Variants in PHACTR1 observed in about 807,000 individuals in gnomAD.
PHACTR1 encodes the protein RPEL repeat containing 1.
A neutral mutation model predicts 69.2 loss-of-function variants in PHACTR1; 16 were observed. The observed-to-expected ratio is 0.23, with a 90% confidence interval of 0.16 to 0.35. The LOEUF (loss-of-function observed/expected upper bound fraction) is 0.35. PHACTR1 is among the 10% of genes least tolerant of loss of function. The pLI, the probability that PHACTR1 is intolerant of heterozygous loss-of-function variation, is 1.00. For missense variants in PHACTR1, 510 were observed against 734.7 expected, an observed-to-expected ratio of 0.69 and a Z score of 3.54; for synonymous variants, 312 against 284.5, an observed-to-expected ratio of 1.10 and a Z score of -0.97.
At chr6:13,109,600 G>T (rs1450163643) in intron 5 of PHACTR1, among the ~76,000 whole-genome samples, 1 of 151,932 alleles carries the variant, frequency 6.6e-6, no homozygotes, top group African/African-American at 2.4e-5. Context: ...ATTAAGGTAT[G>T]CATTGGAGTC....
chr6:13,228,739 G>A (rs1770250060), intron 9 of PHACTR1, among the ~76,000 whole-genome samples: 2 of 152,172 alleles, frequency 1.3e-5, no homozygotes, highest in African/African-American at 4.8e-5. Flanking sequence ...CAACAACCCT[G>A]AGGCATGGAC....
At chr6:13,018,820 G>A (rs1800538778) in intron 4 of PHACTR1, among the ~76,000 whole-genome samples, 1 of 152,062 alleles carries the variant, frequency 6.6e-6, no homozygotes, top group Non-Finnish European at 1.5e-5. Context: ...ACCAAAGATG[G>A]CACAGGGTTT....
rs572786688 is a variant in PHACTR1 at position 13,272,994 on chromosome 6, C to G, written c.1447+79C>G. On this transcript the variant is annotated intron_variant, in intron 11 of 14. Coordinates refer to ENST00000332995, the MANE Select transcript of PHACTR1 (RefSeq NM_030948.6). ...TATTTAATGGTAGGCCACAAGGTTT[C>G]TACCTTGCGCCTCTGCGGAAAGCAT... is the stretch of plus-strand genomic sequence containing the variant. 3.8e-6 allele frequency: 6 copies of G among 1,569,710 alleles called. No individual in the cohort carries two copies. In the Admixed American group the frequency reaches 9.0e-5, roughly 24 times the overall value.
At chr6:12,913,802 C>T (rs1786667647) in intron 4 of PHACTR1, among the ~76,000 whole-genome samples, 1 of 152,244 alleles carries the variant, frequency 6.6e-6, no homozygotes, top group Non-Finnish European at 1.5e-5. Context: ...ATAACAAACA[C>T]GTCACTGTTC....
intron 4 of PHACTR1, among the ~76,000 whole-genome samples, chr6:13,013,811 C>T (rs1048096193): frequency 8.0e-5 from 12 of 149,116 alleles, no homozygotes; most frequent in Non-Finnish European, 1.5e-4. Context: ...CGGGGGCATG[C>T]TGGCGAGGCC....
At chr6:12,956,903 G>A (rs1174022721) in intron 4 of PHACTR1, among the ~76,000 whole-genome samples, 1 of 152,070 alleles carries the variant, frequency 6.6e-6, no homozygotes. Flanking sequence ...CCCATCCTGA[G>A]AAATTCCCAC....
At position 12,986,232 on chromosome 6, in the gene PHACTR1, G is replaced by A. The variant is rs1003743643; in HGVS notation, c.251-67133G>A. Among the ~76,000 whole-genome samples the A allele has an allele frequency of 2.0e-5, 3 of 152,154 alleles. No individual in the cohort carries two copies. The East Asian group carries it at 5.8e-4, about 29-fold the overall frequency. ...GAGATTGGGATGAGGCATCAGTGGG[G>A]GCTTCAGTGACGCTGGCAAAGTTTG... On this transcript the variant is annotated intron_variant, in intron 4 of 14. Coordinates refer to ENST00000332995, the MANE Select transcript of PHACTR1 (RefSeq NM_030948.6).
chr6:12,964,494 A>G lies in PHACTR1; in HGVS notation c.251-88871A>G, dbSNP rs1020857388. On this transcript the variant is annotated intron_variant, in intron 4 of 14. Transcript: ENST00000332995. ...CATTTTCAGCAAAGGAAGGAAAGTA[A>G]GTGGAATGCCAATTCACAGGGGAAG... is the stretch of plus-strand genomic sequence containing the variant. Among the ~76,000 whole-genome samples the G allele has an allele frequency of 2.0e-5, 3 of 152,300 alleles. No individual in the cohort carries two copies. In the South Asian group the frequency reaches 6.2e-4, roughly 32 times the overall value.
intron 4 of PHACTR1, among the ~76,000 whole-genome samples, chr6:12,923,054 A>G (rs2127516648): frequency 6.6e-6 from 1 of 152,310 alleles, no homozygotes; most frequent in Non-Finnish European, 1.5e-5. Context: ...TCCCCCATGC[A>G]ATTTTGATTA....
At chr6:13,077,686 G>GAT (rs1810741128) in intron 5 of PHACTR1, among the ~76,000 whole-genome samples, 1 of 152,132 alleles carries the variant, frequency 6.6e-6, no homozygotes, top group South Asian at 2.1e-4. Context: ...GGCAGTTAGA[G>GAT]ATACAACCAA....
At chr6:12,846,816 A>G in intron 4 of PHACTR1, among the ~76,000 whole-genome samples, 1 of 139,626 alleles carries the variant, frequency 7.2e-6, no homozygotes. Context: ...TTTTATTTTT[A>G]TTTTTATTGA....
chr6:12,951,168 A>G (rs1791248952), intron 4 of PHACTR1, among the ~76,000 whole-genome samples: 1 of 152,176 alleles, frequency 6.6e-6, no homozygotes, highest in African/African-American at 2.4e-5. Context: ...TCTGTTATAG[A>G]TTATGCTGGA....
intron 4 of PHACTR1, among the ~76,000 whole-genome samples, chr6:12,996,612 C>G (rs1303856718): frequency 6.6e-6 from 1 of 152,104 alleles, no homozygotes; most frequent in Non-Finnish European, 1.5e-5. Flanking sequence ...AAGGGTTACT[C>G]TTAACTTATT....
chr6:12,848,706 G>T (rs1327746090), intron 4 of PHACTR1, among the ~76,000 whole-genome samples: 2 of 152,182 alleles, frequency 1.3e-5, no homozygotes. Context: ...CAAAAATGAG[G>T]AAAATAGCTA....
chr6:12,772,301 G>T (rs1196960391), intron 4 of PHACTR1, among the ~76,000 whole-genome samples: 1 of 152,092 alleles, frequency 6.6e-6, no homozygotes, highest in Non-Finnish European at 1.5e-5. Context: ...ATTGATTTTT[G>T]TCACAGAATT....
At chr6:13,034,918 A>G (rs1251505592) in intron 4 of PHACTR1, among the ~76,000 whole-genome samples, 1 of 152,252 alleles carries the variant, frequency 6.6e-6, no homozygotes, top group African/African-American at 2.4e-5. Flanking sequence ...TTCAACAAAT[A>G]TCAAATGCTG....
At chr6:12,851,490 T>A (rs951046425) in intron 4 of PHACTR1, among the ~76,000 whole-genome samples, 1 of 152,164 alleles carries the variant, frequency 6.6e-6, no homozygotes, top group African/African-American at 2.4e-5. Flanking sequence ...CAGACATGAG[T>A]AATAACAGTC....
At chr6:13,252,298 A>C (rs1774555703) in intron 10 of PHACTR1, among the ~76,000 whole-genome samples, 1 of 149,318 alleles carries the variant, frequency 6.7e-6, no homozygotes, top group Non-Finnish European at 1.5e-5. Flanking sequence ...ACTGCAGTCC[A>C]GCCTGAGCAA....
Position 13,182,683 on chromosome 6 carries a change from C to G in PHACTR1, c.661C>G (p.Pro221Ala). ...VLQPSDIMDGPDPGAPVKLPC... is the reference protein window; with the variant it reads ...VLQPSDIMDGADPGAPVKLPC... ...CCAACCGTCAGACATCATGGATGGG[C>G]CAGGTAATGCCCCGGCAGGATTGTA... Residue 221 changes from proline (P) to alanine (A), a missense_variant, in exon 7 of 15, where the codon CCA becomes GCA. By Grantham distance (27) the Pro-to-Ala change is conservative (BLOSUM62 -1). Coordinates refer to ENST00000332995, the MANE Select transcript of PHACTR1 (RefSeq NM_030948.6). 1.4e-5 allele frequency: 22 copies of G among 1,539,054 alleles called. No homozygotes were observed. Among genetic ancestry groups the G allele is most frequent in the Non-Finnish European group, 1.9e-5 (22 of 1,146,082 alleles).
Sources: allele counts gnomAD v4.1 joint callset (sites outside exome capture counted in the v4.1 genomes callset), GRCh38; gene constraint gnomAD v4.1.1; transcripts MANE v1.5; gene names NCBI Gene and HGNC (gene_info 2026-07-23, HGNC 2026-07-21).